Variants in PARPBP observed in about 807,000 individuals in gnomAD.
The protein encoded by PARPBP is PCNA-interacting partner.
PARPBP carries 52 observed loss-of-function variants against 50.0 expected under a neutral mutation model. The observed-to-expected ratio is 1.04, with a 90% confidence interval of 0.83 to 1.31. The LOEUF is 1.31. Ranked by LOEUF, PARPBP falls within the 50% of genes most tolerant of loss-of-function variation. The pLI, the probability that PARPBP is intolerant of heterozygous loss-of-function variation, is 0.00. For missense variants in PARPBP, 697 were observed against 672.0 expected (o/e 1.04, Z -0.41); for synonymous variants, 244 against 232.1 (o/e 1.05, Z -0.47).
At chr12:102,155,014 C>G in intron 4 of PARPBP, 1 of 317,440 alleles carries the variant, frequency 3.2e-6, no homozygotes, top group East Asian at 8.2e-5. Context: ...GATAATAATT[C>G]TTTCAACCAA....
At chr12:102,184,859 G>T (rs542552212) in intron 9 of PARPBP, among the ~76,000 whole-genome samples, 1 of 152,242 alleles carries the variant, frequency 6.6e-6, no homozygotes, top group South Asian at 2.1e-4. Context: ...TGGAAAAGTA[G>T]TTTAGCAGCT....
intron 3 of PARPBP, chr12:102,151,711 T>TG: frequency 1.3e-6 from 2 of 1,535,704 alleles, no homozygotes; most frequent in African/African-American, 2.7e-5. Context: ...AGCATGGAGC[T>TG]GGTCCCTAAA....
At chr12:102,133,098 C>T (rs1256376609) in intron 2 of PARPBP, among the ~76,000 whole-genome samples, 1 of 152,062 alleles carries the variant, frequency 6.6e-6, no homozygotes, top group African/African-American at 2.4e-5. Flanking sequence ...TAAACAGGAA[C>T]ATTTTCACTT....
At chr12:102,130,895 C>G (rs1882754093) in intron 2 of PARPBP, among the ~76,000 whole-genome samples, 1 of 151,246 alleles carries the variant, frequency 6.6e-6, no homozygotes, top group Non-Finnish European at 1.5e-5. Context: ...GGGTAAAGGA[C>G]ATGAACAGAC....
intron 2 of PARPBP, among the ~76,000 whole-genome samples, chr12:102,129,203 T>C (rs1193898640): frequency 6.6e-6 from 1 of 152,186 alleles, no homozygotes; most frequent in Non-Finnish European, 1.5e-5. Flanking sequence ...GCCCAGGCTG[T>C]ACTTGGACTC....
intron 9 of PARPBP, among the ~76,000 whole-genome samples, chr12:102,185,351 G>A (rs763323735): frequency 7.2e-5 from 11 of 152,076 alleles, no homozygotes; most frequent in Non-Finnish European, 1.5e-4. Flanking sequence ...TGCATATGTC[G>A]AACCATTCTT....
chr12:102,150,005 C>A (rs147420363), intron 3 of PARPBP, among the ~76,000 whole-genome samples: 2 of 152,078 alleles, frequency 1.3e-5, no homozygotes, highest in Non-Finnish European at 2.9e-5. Context: ...GGTCTTTGGG[C>A]GCATTGTTTT....
intron 9 of PARPBP, among the ~76,000 whole-genome samples, chr12:102,191,557 C>T (rs1890796970): frequency 6.6e-6 from 1 of 152,074 alleles, no homozygotes; most frequent in South Asian, 2.1e-4. Context: ...CGTGTTAATA[C>T]AGCTAACTCT....
In PARPBP at chr12:102,135,228, C is replaced by G. The variant is rs114723079; in HGVS notation, c.153+11187C>G. 5.6e-3 allele frequency among the ~76,000 whole-genome samples: 858 copies of G among 152,128 alleles called. 8 individuals carry two copies. Among genetic ancestry groups the G allele is most frequent in the African/African-American group, 0.02 (842 of 41,502 alleles). On this transcript the variant is annotated intron_variant, in intron 2 of 10. Transcript: ENST00000327680. Reference sequence around the variant, plus strand: ...CAAGTTAGAGTTGAACACTTACATACTGAATCGGAGAAAGAGTAGTAAAAT... The same window carrying G: ...CAAGTTAGAGTTGAACACTTACATAGTGAATCGGAGAAAGAGTAGTAAAAT...
Position 102,148,432 on chromosome 12 carries a change from C to T in PARPBP, c.356C>T (p.Ser119Phe), listed in dbSNP as rs569976229. 6 of 1,481,150 alleles carry T rather than the reference C, an allele frequency of 4.1e-6. No individual in the cohort carries two copies. The highest frequency in any genetic ancestry group is 1.7e-4 in the Middle Eastern group (1 of 5,794). The allele number at this position is 1,481,150 out of a possible 1,614,324, so 91.8% of individuals were successfully genotyped here. The change falls in exon 3 of 11, where the codon TCT (serine) becomes TTT (phenylalanine). Residue 119 changes from serine (S) to phenylalanine (F), a missense_variant. Transcript: ENST00000327680. Reference protein sequence around the residue: ...DVYQKCRALTSNCENYNTVSP... With the variant: ...DVYQKCRALTFNCENYNTVSP... ...TATCAAAAATGTAGGGCTTTGACTT[C>T]TAATTGTGAAAATTATAACACAGTA...
At chr12:102,131,300 G>A (rs1882818795) in intron 2 of PARPBP, among the ~76,000 whole-genome samples, 2 of 152,232 alleles carry the variant, frequency 1.3e-5, no homozygotes. Flanking sequence ...ACTCCAGCCT[G>A]TGTGATGGAG....
intron 6 of PARPBP, among the ~76,000 whole-genome samples, chr12:102,174,820 C>T (rs1036709771): frequency 2.0e-5 from 3 of 152,198 alleles, no homozygotes; most frequent in Non-Finnish European, 2.9e-5. Flanking sequence ...ATATCAATTT[C>T]GGGTTTTTAA....
chr12:102,168,585 A>G (rs115758264), intron 6 of PARPBP, among the ~76,000 whole-genome samples: 4,307 of 152,292 alleles, frequency 0.028, 178 homozygotes, highest in African/African-American at 0.087. Flanking sequence ...CATATACCCT[A>G]TGCATATCAT....
chr12:102,152,218 C>T (rs955204333), intron 3 of PARPBP, among the ~76,000 whole-genome samples: 12 of 152,162 alleles, frequency 7.9e-5, no homozygotes, highest in Non-Finnish European at 1.6e-4. Context: ...TGTTCGAAAT[C>T]TCAGACTGGA....
At chr12:102,185,627 C>G (rs1412908063) in intron 9 of PARPBP, among the ~76,000 whole-genome samples, 3 of 151,988 alleles carry the variant, frequency 2.0e-5, no homozygotes, top group African/African-American at 7.2e-5. Context: ...AGTAGTGAAG[C>G]CATTGGGCCC....
intron 1 of PARPBP, among the ~76,000 whole-genome samples, chr12:102,123,425 C>G (rs1208593272): frequency 2.0e-5 from 3 of 151,856 alleles, no homozygotes. Flanking sequence ...AAGCCTGGTC[C>G]AGATTCAAAA....
intron 9 of PARPBP, among the ~76,000 whole-genome samples, chr12:102,191,441 CTT>C (rs891218427): frequency 9.9e-5 from 15 of 151,966 alleles, no homozygotes; most frequent in Non-Finnish European, 2.2e-4. Flanking sequence ...ATAAGGTAAA[CTT>C]AGAATATTTT....
At chr12:102,154,997 G>A (rs1172612136) in intron 4 of PARPBP, 1 of 319,836 alleles carries the variant, frequency 3.1e-6, no homozygotes, top group Admixed American at 4.4e-5. Context: ...CTGATTCCAG[G>A]TCTTTAGATA....
At chr12:102,182,878 A>T (rs1296984295) in intron 9 of PARPBP, among the ~76,000 whole-genome samples, 1 of 152,194 alleles carries the variant, frequency 6.6e-6, no homozygotes, top group Admixed American at 6.5e-5. Flanking sequence ...TTGCTATTGT[A>T]AGTGTTGAAT....
Sources: allele counts gnomAD v4.1 joint callset (sites outside exome capture counted in the v4.1 genomes callset), GRCh38; gene constraint gnomAD v4.1.1; transcripts MANE v1.5; gene names NCBI Gene and HGNC (gene_info 2026-07-23, HGNC 2026-07-21).